Variants in ZBTB16 observed in about 807,000 individuals in gnomAD.
The protein encoded by ZBTB16 is zinc finger and BTB domain-containing protein 16.
In ZBTB16, 8 loss-of-function variants were observed where a neutral mutation model predicts 56.8. That is an observed-to-expected ratio of 0.14 (90% CI 0.08 to 0.25). The LOEUF is 0.25. Ranked by LOEUF, ZBTB16 falls within the 10% of genes least tolerant of loss-of-function variation. ZBTB16 has a pLI of 1.00. For missense variants in ZBTB16, 625 were observed against 903.0 expected, an observed-to-expected ratio of 0.69 and a Z score of 3.95; for synonymous variants, 363 against 368.5, an observed-to-expected ratio of 0.98 and a Z score of 0.17.
In ZBTB16 at chr11:114,155,181, G is replaced by A. The variant is rs1360052917; in HGVS notation, c.1269-1156G>A. ...TGTTTTCCCTTCTGCCTGCCCCACC[G>A]CCCACAGATCCGGCTTCTGGCTGCC... is the stretch of plus-strand genomic sequence containing the variant. On this transcript the variant is annotated intron_variant, in intron 2 of 6. Coordinates refer to ENST00000335953, the MANE Select transcript of ZBTB16 (RefSeq NM_006006.6). Among the ~76,000 whole-genome samples, 4 of 152,202 alleles carry A rather than the reference G, an allele frequency of 2.6e-5. No homozygotes were observed. In the East Asian group the frequency reaches 5.8e-4, roughly 22 times the overall value.
intron 4 of ZBTB16, among the ~76,000 whole-genome samples, chr11:114,235,691 T>TATC (rs147194616): frequency 5.3e-4 from 7 of 13,102 alleles, no homozygotes; most frequent in East Asian, 5.3e-3. Context: ...TCTTTCTTTC[T>TATC]TTTCTTTCTT....
chr11:114,251,290 G>A lies in ZBTB16; in HGVS notation c.*735G>A, dbSNP rs1252943166. 2.6e-5 allele frequency among the ~76,000 whole-genome samples: 4 copies of A among 152,044 alleles called. No individual in the cohort carries two copies. Among genetic ancestry groups the A allele is most frequent in the East Asian group, 1.9e-4 (1 of 5,168 alleles). Reference sequence around the variant, plus strand: ...CCTGGCGGTGTCTCCATCCTTCTCCGGTTCCCTAGTGGGATAGCTGCCTCT... The same window carrying A: ...CCTGGCGGTGTCTCCATCCTTCTCCAGTTCCCTAGTGGGATAGCTGCCTCT... On this transcript the variant is annotated 3_prime_UTR_variant, in exon 7 of 7. Transcript: ENST00000335953.
At chr11:114,127,725 G>T (rs746893681) in intron 2 of ZBTB16, among the ~76,000 whole-genome samples, 1 of 152,126 alleles carries the variant, frequency 6.6e-6, no homozygotes, top group Non-Finnish European at 1.5e-5. Context: ...TCAGAAAGGG[G>T]CCTACTGCAT....
rs116228729 is a variant in ZBTB16 at position 114,149,463 on chromosome 11, C to G, written c.1269-6874C>G. On this transcript the variant is annotated intron_variant, in intron 2 of 6. Coordinates refer to ENST00000335953, the MANE Select transcript of ZBTB16 (RefSeq NM_006006.6). ...AGCAGAGAGGCACCTGCTGTGTGCT[C>G]CCAAAACCTGCAGCATGGAAGGTGT... 9.5e-3 allele frequency among the ~76,000 whole-genome samples: 1,442 copies of G among 152,226 alleles called. 22 individuals carry two copies. Among genetic ancestry groups the G allele is most frequent in the African/African-American group, 0.032 (1,317 of 41,528 alleles).
chr11:114,089,081 G>A (rs1192824742), intron 2 of ZBTB16, among the ~76,000 whole-genome samples: 1 of 152,192 alleles, frequency 6.6e-6, no homozygotes, highest in African/African-American at 2.4e-5. Flanking sequence ...CCACGTGATT[G>A]GGCCACATCC....
intron 3 of ZBTB16, among the ~76,000 whole-genome samples, chr11:114,170,337 AG>A (rs1452382200): frequency 6.6e-6 from 1 of 152,160 alleles, no homozygotes; most frequent in Non-Finnish European, 1.5e-5. Flanking sequence ...GAAGCATCCG[AG>A]GACGGTCTCA....
At chr11:114,192,768 GC>G (rs1444510102) in intron 4 of ZBTB16, among the ~76,000 whole-genome samples, 15 of 152,198 alleles carry the variant, frequency 9.9e-5, no homozygotes, top group African/African-American at 3.6e-4. Context: ...CAGGGTCCCA[GC>G]CATTTTCTTA....
intron 4 of ZBTB16, among the ~76,000 whole-genome samples, chr11:114,233,316 G>A (rs564594965): frequency 9.9e-5 from 15 of 152,092 alleles, no homozygotes; most frequent in South Asian, 6.2e-4. Context: ...GCTACTTCCC[G>A]GAATGTGGTT....
Position 114,147,353 on chromosome 11 carries a change from G to C in ZBTB16, c.1269-8984G>C, listed in dbSNP as rs113950999. ...ACAACATTTCCTTCGCATGTATCCA[G>C]GCAGAACAAGGAGATAAAGGAAAAG... On this transcript the variant is annotated intron_variant, in intron 2 of 6. Coordinates refer to ENST00000335953, the MANE Select transcript of ZBTB16 (RefSeq NM_006006.6). Among the ~76,000 whole-genome samples, 441 of 152,250 alleles carry C rather than the reference G, an allele frequency of 2.9e-3. 2 individuals are homozygous for C. The highest frequency in any genetic ancestry group is 0.01 in the African/African-American group (425 of 41,540).
chr11:114,254,352 G>A lies in ZBTB16; in HGVS notation c.*3797G>A, dbSNP rs984962039. Among the ~76,000 whole-genome samples the A allele has an allele frequency of 3.3e-5, 5 of 152,134 alleles. No homozygotes were observed. The highest frequency in any genetic ancestry group is 1.9e-4 in the East Asian group (1 of 5,162). ...CAGTACAATCCAAGGGATGCAACGC[G>A]GGCTTGTTTAATCTTTGTGCCTGAA... On this transcript the variant is annotated 3_prime_UTR_variant, in exon 7 of 7. Coordinates refer to ENST00000335953, the MANE Select transcript of ZBTB16 (RefSeq NM_006006.6).
intron 4 of ZBTB16, among the ~76,000 whole-genome samples, chr11:114,227,940 A>G (rs1158668467): frequency 6.6e-6 from 1 of 152,232 alleles, no homozygotes; most frequent in Admixed American, 6.5e-5. Flanking sequence ...TTGTCATGCA[A>G]CCATCAACAC....
intron 4 of ZBTB16, among the ~76,000 whole-genome samples, chr11:114,235,604 CTCTT>C (rs1344292315): frequency 6.6e-6 from 1 of 152,088 alleles, no homozygotes; most frequent in Non-Finnish European, 1.5e-5. Flanking sequence ...CCCTTTCTCT[CTCTT>C]TCTTTCTTTC....
intron 4 of ZBTB16, among the ~76,000 whole-genome samples, chr11:114,235,628 TC>T (rs1565701447): frequency 6.0e-5 from 4 of 66,264 alleles, no homozygotes; most frequent in Non-Finnish European, 9.2e-5. Context: ...CCCTCTCCCT[TC>T]CTTTCTTTCT....
chr11:114,244,832 A>G (rs1944781884), intron 5 of ZBTB16, among the ~76,000 whole-genome samples: 1 of 152,160 alleles, frequency 6.6e-6, no homozygotes. Flanking sequence ...GGGGAAAGGC[A>G]CAGGCAGCCG....
chr11:114,254,182 GAT>G lies in ZBTB16; in HGVS notation c.*3641_*3642del, dbSNP rs144303191. Among the ~76,000 whole-genome samples the G allele has an allele frequency of 6.1e-4, 91 of 149,558 alleles. No individual in the cohort carries two copies. In the Middle Eastern group the frequency reaches 0.014, roughly 23 times the overall value. ...GGATAGACAAATATATAGATATATA[GAT>G]ATATATATATATAGCAAGAGATTGA... On this transcript the variant is annotated 3_prime_UTR_variant, in exon 7 of 7. Transcript: ENST00000335953.
intron 2 of ZBTB16, among the ~76,000 whole-genome samples, chr11:114,112,016 G>A (rs957900858): frequency 6.6e-6 from 1 of 152,094 alleles, no homozygotes; most frequent in African/African-American, 2.4e-5. Flanking sequence ...TGTGGGGGAT[G>A]TATATTGTAA....
At chr11:114,187,088 C>A in intron 4 of ZBTB16, 50 bp downstream of exon 4, 2 of 1,573,164 alleles carry the variant, frequency 1.3e-6, no homozygotes, top group Non-Finnish European at 1.7e-6. Context: ...GTGTTGGTAG[C>A]ACATGGACAT....
chr11:114,251,445 A>G lies in ZBTB16; in HGVS notation c.*890A>G, dbSNP rs1472958827. On this transcript the variant is annotated 3_prime_UTR_variant, in exon 7 of 7. Transcript: ENST00000335953. ...TCCAAAATGGAAAAGCATCACAACT[A>G]AATACCTAATATCCTACCAAACAAA... Among the ~76,000 whole-genome samples, 1 of 152,314 alleles carries G rather than the reference A, an allele frequency of 6.6e-6. No homozygotes were observed. Among genetic ancestry groups the G allele is most frequent in the East Asian group, 1.9e-4 (1 of 5,176 alleles).
At chr11:114,169,935 G>A (rs1219518531) in intron 3 of ZBTB16, among the ~76,000 whole-genome samples, 1 of 152,160 alleles carries the variant, frequency 6.6e-6, no homozygotes, top group Non-Finnish European at 1.5e-5. Flanking sequence ...CATCCAGGCA[G>A]GCATCTCTTT....
Sources: gnomAD v4.1 joint callset for allele counts (sites outside exome capture counted in the v4.1 genomes callset) on GRCh38, gnomAD v4.1.1 for gene constraint, MANE v1.5 for transcripts, NCBI Gene and HGNC (gene_info 2026-07-23, HGNC 2026-07-21) for gene names.